AGBL1: variants seen among roughly 807,000 people sequenced by gnomAD.
AGBL1 encodes cytosolic carboxypeptidase 4.
AGBL1 carries 130 observed loss-of-function variants against 118.9 expected under a neutral mutation model. The ratio of observed to expected loss-of-function variants is 1.09; its 90% CI spans 0.95 to 1.26. AGBL1 has a LOEUF of 1.26. Ranked by LOEUF, AGBL1 falls within the 50% of genes most tolerant of loss-of-function variation. The pLI, the probability that AGBL1 is intolerant of heterozygous loss-of-function variation, is 0.00. For missense variants in AGBL1, 1,584 were observed against 1,298.1 expected, an observed-to-expected ratio of 1.22 and a Z score of -3.38; for synonymous variants, 555 against 478.9, an observed-to-expected ratio of 1.16 and a Z score of -2.08.
chr15:86,187,692 A>G (rs751061772), intron 5 of AGBL1, among the ~76,000 whole-genome samples: 5 of 152,338 alleles, frequency 3.3e-5, no homozygotes, highest in South Asian at 2.1e-4. Flanking sequence ...TCATCCCTCA[A>G]GAGGCCTTCT....
intron 5 of AGBL1, among the ~76,000 whole-genome samples, chr15:86,217,634 A>G (rs535817813): frequency 6.6e-6 from 1 of 152,344 alleles, no homozygotes; most frequent in East Asian, 1.9e-4. Flanking sequence ...AGTATGAGAT[A>G]CAGGTAAAGA....
At chr15:86,315,680 C>G (rs529392600) in intron 17 of AGBL1, among the ~76,000 whole-genome samples, 1 of 148,204 alleles carries the variant, frequency 6.7e-6, no homozygotes, top group African/African-American at 2.5e-5. Flanking sequence ...ATCACACCAC[C>G]GCACTCCAGC....
At position 86,518,373 on chromosome 15, in the gene AGBL1, C is replaced by T. The variant is rs116535731; in HGVS notation, c.2556-4437C>T. Among the ~76,000 whole-genome samples the T allele has an allele frequency of 4.8e-3, 734 of 152,182 alleles. 8 individuals are homozygous for T. The highest frequency in any genetic ancestry group is 0.017 in the African/African-American group (700 of 41,518). Reference sequence around the variant, plus strand: ...AATTATTTTTCGTGGCATCATTGTCCTTTAGACTGTCCAGCCTTTAAGGTT... The same window carrying T: ...AATTATTTTTCGTGGCATCATTGTCTTTTAGACTGTCCAGCCTTTAAGGTT... On this transcript the variant is annotated intron_variant, in intron 18 of 22. Transcript: ENST00000614907.
At chr15:86,364,376 G>T (rs1279595966) in intron 17 of AGBL1, among the ~76,000 whole-genome samples, 1 of 152,136 alleles carries the variant, frequency 6.6e-6, no homozygotes, top group Non-Finnish European at 1.5e-5. Flanking sequence ...CATTAATTAT[G>T]TGCTATAGTC....
intron 18 of AGBL1, among the ~76,000 whole-genome samples, chr15:86,457,267 C>T (rs2082272213): frequency 6.6e-6 from 1 of 152,150 alleles, no homozygotes; most frequent in South Asian, 2.1e-4. Context: ...GTTAGATGTG[C>T]AACAAACTCC....
chr15:86,673,084 A>T (rs2085775079), intron 21 of AGBL1, among the ~76,000 whole-genome samples: 1 of 152,196 alleles, frequency 6.6e-6, no homozygotes, highest in Non-Finnish European at 1.5e-5. Context: ...ATTCATAAAA[A>T]ATGATTCATT....
At chr15:86,733,045 C>T (rs747763710) in intron 22 of AGBL1, among the ~76,000 whole-genome samples, 8 of 147,778 alleles carry the variant, frequency 5.4e-5, no homozygotes, top group African/African-American at 7.4e-5. Flanking sequence ...ATGTATATCC[C>T]GTATATATCC....
chr15:86,190,446 A>G lies in AGBL1; in HGVS notation c.488+31420A>G, dbSNP rs371125124. Among the ~76,000 whole-genome samples the G allele has an allele frequency of 4.6e-5, 7 of 152,290 alleles. No homozygotes were observed. In the South Asian group the frequency reaches 8.3e-4, roughly 18 times the overall value. On this transcript the variant is annotated intron_variant, in intron 5 of 22. Coordinates refer to ENST00000614907, the MANE Select transcript of AGBL1 (RefSeq NM_001386094.1). ...TTTCAAGTAAACATCTATTCTTCAT[A>G]TTTTATGTTAAAGTAATAAAATGTC...
intron 17 of AGBL1, among the ~76,000 whole-genome samples, chr15:86,372,806 G>A (rs941407615): frequency 6.6e-6 from 1 of 152,214 alleles, no homozygotes; most frequent in Non-Finnish European, 1.5e-5. Flanking sequence ...AAGACAAGGG[G>A]TAGGGCCTAT....
chr15:86,424,141 G>T (rs930170585), intron 18 of AGBL1, among the ~76,000 whole-genome samples: 12 of 152,098 alleles, frequency 7.9e-5, no homozygotes, highest in Non-Finnish European at 8.8e-5. Context: ...ATACTACAAG[G>T]CTACAGTAAC....
At chr15:86,423,305 A>G (rs1178792109) in intron 18 of AGBL1, among the ~76,000 whole-genome samples, 1 of 152,214 alleles carries the variant, frequency 6.6e-6, no homozygotes, top group Non-Finnish European at 1.5e-5. Flanking sequence ...CATCACAGAA[A>G]CAGAACCAAT....
chr15:86,758,966 C>CAAAAAAAAAAAA (rs80297816), intron 22 of AGBL1, among the ~76,000 whole-genome samples: 11 of 80,844 alleles, frequency 1.4e-4, no homozygotes, highest in East Asian at 3.5e-4. Context: ...GACACCCTGT[C>CAAAAAAAAAAAA]AAAAAAAAAA....
At chr15:86,783,951 T>G (rs1250512494) in intron 22 of AGBL1, among the ~76,000 whole-genome samples, 1 of 152,154 alleles carries the variant, frequency 6.6e-6, no homozygotes, top group African/African-American at 2.4e-5. Flanking sequence ...TTAAAAAAAT[T>G]TTAAACTGCT....
At chr15:86,158,593 T>C (rs1318915555) in intron 4 of AGBL1, among the ~76,000 whole-genome samples, 2 of 152,226 alleles carry the variant, frequency 1.3e-5, no homozygotes, top group African/African-American at 4.8e-5. Flanking sequence ...CCTAACCAGA[T>C]ACCTCTTTGG....
At chr15:86,667,005 T>C (rs1257303184) in intron 21 of AGBL1, among the ~76,000 whole-genome samples, 1 of 152,178 alleles carries the variant, frequency 6.6e-6, no homozygotes, top group Non-Finnish European at 1.5e-5. Flanking sequence ...CAGACATAGA[T>C]GCATCCATCT....
intron 17 of AGBL1, among the ~76,000 whole-genome samples, chr15:86,344,809 C>A (rs539622455): frequency 7.9e-5 from 12 of 151,998 alleles, no homozygotes; most frequent in South Asian, 2.1e-4. Context: ...AATGTAGGCT[C>A]TTTCTGGAGC....
At chr15:86,577,254 A>G (rs1040254758) in intron 21 of AGBL1, among the ~76,000 whole-genome samples, 1 of 152,144 alleles carries the variant, frequency 6.6e-6, no homozygotes, top group African/African-American at 2.4e-5. Context: ...GACTCTTGTT[A>G]TGTTTTAGCG....
chr15:86,652,686 T>G (rs2246309), intron 21 of AGBL1, among the ~76,000 whole-genome samples: 66,495 of 152,014 alleles, frequency 0.44, 15,278 homozygotes, highest in Middle Eastern at 0.58. Flanking sequence ...TCAAGGGTAT[T>G]AAGTTAATGA....
chr15:86,428,294 G>A (rs1384937319), intron 18 of AGBL1, among the ~76,000 whole-genome samples: 1 of 152,176 alleles, frequency 6.6e-6, no homozygotes, highest in African/African-American at 2.4e-5. Flanking sequence ...TGTTGCTCTA[G>A]GGTGCCACCT....
Sources: allele counts gnomAD v4.1 joint callset (sites outside exome capture counted in the v4.1 genomes callset), GRCh38; gene constraint gnomAD v4.1.1; transcripts MANE v1.5; gene names NCBI Gene and HGNC (gene_info 2026-07-23, HGNC 2026-07-21).